The following NAV1 variants were observed in gnomAD, a reference collection of about 807,000 sequenced individuals.
The protein encoded by NAV1 is pore membrane and/or filament interacting like protein 3.
In NAV1, 18 loss-of-function variants were observed where a neutral mutation model predicts 175.2. The ratio of observed to expected loss-of-function variants is 0.10; its 90% CI spans 0.07 to 0.15. NAV1 has a LOEUF of 0.15. NAV1 is among the 10% of genes least tolerant of loss of function. The pLI is 1.00. For missense variants in NAV1, 1,731 were observed against 2,436.6 expected (o/e 0.71, Z 6.10); for synonymous variants, 897 against 978.7 (o/e 0.92, Z 1.56).
chr1:201,780,069 T>C (rs111344133), intron 3 of NAV1, among the ~76,000 whole-genome samples: 5 of 152,338 alleles, frequency 3.3e-5, no homozygotes, highest in Non-Finnish European at 4.4e-5. Context: ...AACAAAGATA[T>C]GTTAATTTTA....
intron 2 of NAV1, among the ~76,000 whole-genome samples, chr1:201,607,380 G>A (rs760293331): frequency 2.4e-4 from 37 of 151,834 alleles, no homozygotes; most frequent in Non-Finnish European, 4.7e-4. Context: ...CTCCCAAAAT[G>A]CTGGGATTAC....
intron 1 of NAV1, among the ~76,000 whole-genome samples, chr1:201,586,912 TA>T (rs541454135): frequency 1.3e-4 from 20 of 152,068 alleles, no homozygotes; most frequent in Non-Finnish European, 2.4e-4. Flanking sequence ...CTAAAACAGT[TA>T]AGATGGTAAG....
At chr1:201,656,153 G>C (rs909010114) in intron 1 of NAV1, among the ~76,000 whole-genome samples, 11 of 152,258 alleles carry the variant, frequency 7.2e-5, no homozygotes, top group African/African-American at 2.7e-4. Context: ...GCTCGGCAGG[G>C]TCTGGGCCTT....
chr1:201,801,074 C>T lies in NAV1; in HGVS notation c.3518-2519C>T, dbSNP rs570786656. Among the ~76,000 whole-genome samples the T allele has an allele frequency of 8.0e-4, 122 of 152,222 alleles. 1 individual carries two copies. Among genetic ancestry groups the T allele is most frequent in the Non-Finnish European group, 1.4e-3 (95 of 68,004 alleles). On this transcript the variant is annotated intron_variant, in intron 15 of 29. Coordinates refer to ENST00000367296, the Ensembl canonical transcript of NAV1. ...GAACTGCTGGCTCAAGCCATCCTCCCGCCTTGGCCTCCCAAAGTGCTGGGA... is the reference window on the plus strand; with the variant it reads ...GAACTGCTGGCTCAAGCCATCCTCCTGCCTTGGCCTCCCAAAGTGCTGGGA...
chr1:201,811,475 C>A, intron 24 of NAV1, 128 bp from the exon 29 acceptor site: 2 of 1,127,094 alleles, frequency 1.8e-6, no homozygotes, highest in Non-Finnish European at 2.6e-6. Context: ...CTGCTGTAAT[C>A]AAATTTGCAA....
At chr1:201,809,206 A>G in exon 21 of NAV1, 1 of 1,613,940 alleles carries the variant, frequency 6.2e-7, no homozygotes, top group Non-Finnish European at 8.5e-7. Context: ...GGTCCAAAGG[A>G]GGAAGTGACC....
intron 1 of NAV1, among the ~76,000 whole-genome samples, chr1:201,579,420 A>G (rs661086): frequency 2.1e-4 from 32 of 152,168 alleles, no homozygotes; most frequent in African/African-American, 7.5e-4. Flanking sequence ...CAGTGGCACA[A>G]TCATGGCTCA....
At chr1:201,734,393 A>C (rs1672998313) in intron 3 of NAV1, among the ~76,000 whole-genome samples, 1 of 151,328 alleles carries the variant, frequency 6.6e-6, no homozygotes, top group South Asian at 2.1e-4. Context: ...TGGGTGACAG[A>C]GCAAGACCCT....
chr1:201,710,293 GT>G (rs955115358), intron 1 of NAV1, among the ~76,000 whole-genome samples: 88 of 140,272 alleles, frequency 6.3e-4, no homozygotes, highest in African/African-American at 1.9e-3. Flanking sequence ...CATCTTCTTT[GT>G]TTTTTTTTTT....
intron 15 of NAV1, among the ~76,000 whole-genome samples, chr1:201,800,817 C>CTTTTTTTTTTT (rs61404613): frequency 1.1e-5 from 1 of 90,788 alleles, no homozygotes; most frequent in Non-Finnish European, 2.0e-5. Flanking sequence ...CTTGGTGTAT[C>CTTTTTTTTTTT]TTTTTTTTTT....
At chr1:201,818,767 C>T (rs1025888055) in intron 29 of NAV1, among the ~76,000 whole-genome samples, 1 of 152,204 alleles carries the variant, frequency 6.6e-6, no homozygotes, top group Admixed American at 6.5e-5. Context: ...TATATTAAAA[C>T]TTAACATGCG....
chr1:201,701,754 A>G (rs2102443604), intron 1 of NAV1, among the ~76,000 whole-genome samples: 1 of 152,316 alleles, frequency 6.6e-6, no homozygotes, highest in East Asian at 1.9e-4. Context: ...AGATATGGAG[A>G]AATTGGAACT....
intron 1 of NAV1, among the ~76,000 whole-genome samples, chr1:201,563,480 G>A (rs998335010): frequency 6.6e-6 from 1 of 151,738 alleles, no homozygotes; most frequent in African/African-American, 2.4e-5. Context: ...TCTGCTTCAA[G>A]TGCCACAGGT....
At chr1:201,585,775 C>T (rs1667010058) in intron 1 of NAV1, among the ~76,000 whole-genome samples, 1 of 151,932 alleles carries the variant, frequency 6.6e-6, no homozygotes, top group South Asian at 2.1e-4. Flanking sequence ...TACCTCACAC[C>T]CAATAGGATG....
intron 3 of NAV1, among the ~76,000 whole-genome samples, chr1:201,725,750 G>A (rs1426531311): frequency 6.6e-6 from 1 of 152,026 alleles, no homozygotes; most frequent in Non-Finnish European, 1.5e-5. Context: ...GAGACCAGGA[G>A]TTCAAGACTA....
intron 2 of NAV1, among the ~76,000 whole-genome samples, chr1:201,598,930 C>A (rs1667438589): frequency 6.6e-6 from 1 of 152,212 alleles, no homozygotes; most frequent in Admixed American, 6.5e-5. Flanking sequence ...CCTCCCCCTG[C>A]CTCTGGACAG....
chr1:201,817,418 G>C (rs1303872629), intron 29 of NAV1, 133 bp downstream of exon 33: 2 of 758,124 alleles, frequency 2.6e-6, no homozygotes, highest in Admixed American at 5.9e-5. Context: ...TTCAAAACCA[G>C]CCTGGGCAAC....
Position 201,807,855 on chromosome 1 carries a change from G to A in NAV1, c.3649-98G>A, listed in dbSNP as rs1305591279. On this transcript the variant is annotated intron_variant, in intron 17 of 29. Coordinates refer to ENST00000367296, the Ensembl canonical transcript of NAV1. This position sits in a 1 kb window ranked among gnomAD's most constrained non-coding sequence, Gnocchi z 5.4. ...GTGGCTTAATTAAAGTAAATCCCCC[G>A]CCTCCAGCTCTCTCTGTCTCAGAAG... 1.2e-5 allele frequency: 14 copies of A among 1,169,534 alleles called. No homozygotes were observed. The highest frequency in any genetic ancestry group is 2.7e-4 in the Middle Eastern group (1 of 3,740). 72.4% of individuals were successfully genotyped at this position (1,169,534 alleles called of 1,614,324 possible).
At chr1:201,774,283 C>T (rs578109046) in intron 3 of NAV1, among the ~76,000 whole-genome samples, 16 of 152,310 alleles carry the variant, frequency 1.1e-4, no homozygotes, top group African/African-American at 3.1e-4. Flanking sequence ...GTCCTCTTTA[C>T]TTTATTCTTT....
Sources: allele counts gnomAD v4.1 joint callset (sites outside exome capture counted in the v4.1 genomes callset), GRCh38; gene constraint gnomAD v4.1.1; non-coding constraint Gnocchi (gnomAD v3.1); transcripts MANE v1.5; gene names NCBI Gene and HGNC (gene_info 2026-07-23, HGNC 2026-07-21).